CRB1: variants seen among roughly 807,000 people sequenced by gnomAD.
CRB1 encodes protein crumbs homolog 1.
CRB1 carries 83 observed loss-of-function variants against 120.0 expected under a neutral mutation model. The observed-to-expected ratio is 0.69, with a 90% CI of 0.58 to 0.83. The LOEUF (loss-of-function observed/expected upper bound fraction) is 0.83, where lower values mean the gene tolerates loss of function less well. Among genes scored for constraint, CRB1 ranks in the 40% least tolerant of loss-of-function variants. The probability of loss-of-function intolerance (pLI) is 0.00; values close to 1 mark genes in which losing one functional copy is unlikely to be tolerated. For missense variants in CRB1, 1,699 were observed against 1,687.6 expected (o/e 1.01, Z -0.12); for synonymous variants, 625 against 612.5 (o/e 1.02, Z -0.30).
intron 5 of CRB1, 22 bp downstream of exon 5, chr1:197,357,035 A>T: frequency 6.2e-7 from 1 of 1,612,736 alleles, no homozygotes; most frequent in Non-Finnish European, 8.5e-7. Context: ...GAGATGGGAT[A>T]TGACTTGACT....
intron 11 of CRB1, among the ~76,000 whole-genome samples, chr1:197,460,392 C>A (rs1666475999): frequency 6.6e-6 from 1 of 151,996 alleles, no homozygotes; most frequent in Non-Finnish European, 1.5e-5. Context: ...ATTTTCAGAG[C>A]TAAGGAAGCC....
chr1:197,319,666 T>C (rs1658075150), intron 1 of CRB1, among the ~76,000 whole-genome samples: 2 of 152,078 alleles, frequency 1.3e-5, no homozygotes, highest in African/African-American at 4.8e-5. Flanking sequence ...TTTCTCTCTT[T>C]CTTTTTTTTT....
At chr1:197,248,261 A>C in the CRB1 span, among the ~76,000 whole-genome samples, 1 of 152,026 alleles carries the variant, frequency 6.6e-6, no homozygotes, top group Admixed American at 6.6e-5. Flanking sequence ...ATTTGTTGTA[A>C]AGTTAGCTAA....
intron 5 of CRB1, among the ~76,000 whole-genome samples, chr1:197,379,580 G>A (rs952757220): frequency 4.4e-5 from 6 of 137,428 alleles, no homozygotes; most frequent in African/African-American, 1.1e-4. Flanking sequence ...GATTACAGGC[G>A]TGAGCCACCA....
intron 3 of CRB1, among the ~76,000 whole-genome samples, chr1:197,345,621 C>T (rs1189004165): frequency 6.7e-6 from 1 of 149,618 alleles, no homozygotes; most frequent in Non-Finnish European, 1.5e-5. Flanking sequence ...AATTCTCCTG[C>T]CTCAGTCTCC....
At chr1:197,341,286 T>A (rs1321712106) in intron 2 of CRB1, among the ~76,000 whole-genome samples, 1 of 152,180 alleles carries the variant, frequency 6.6e-6, no homozygotes, top group Non-Finnish European at 1.5e-5. Flanking sequence ...CTCATGCCTG[T>A]AATCCCAGCA....
intron 5 of CRB1, among the ~76,000 whole-genome samples, chr1:197,411,502 A>G (rs1257112112): frequency 1.3e-5 from 2 of 152,170 alleles, no homozygotes; most frequent in African/African-American, 2.4e-5. Context: ...CCTCAAGTGA[A>G]AAGAGTTAAC....
chr1:197,265,255 TTTTC>T (rs1654605804), upstream of CRB1, among the ~76,000 whole-genome samples: 2 of 152,244 alleles, frequency 1.3e-5, no homozygotes, highest in East Asian at 1.9e-4. Flanking sequence ...TGAACTACTC[TTTTC>T]TTTATTTCCT....
At chr1:197,208,227 G>C in the CRB1 span, among the ~76,000 whole-genome samples, 1 of 151,986 alleles carries the variant, frequency 6.6e-6, no homozygotes, top group Non-Finnish European at 1.5e-5. Flanking sequence ...TGGCAATTCA[G>C]AGTTTTCTTC....
chr1:197,211,039 G>T, the CRB1 span, among the ~76,000 whole-genome samples: 1 of 152,128 alleles, frequency 6.6e-6, no homozygotes, highest in Non-Finnish European at 1.5e-5. Flanking sequence ...ATGTTTTTCA[G>T]TAGCATCACA....
the CRB1 span, among the ~76,000 whole-genome samples, chr1:197,216,058 A>C: frequency 6.6e-6 from 1 of 152,218 alleles, no homozygotes; most frequent in Non-Finnish European, 1.5e-5. Flanking sequence ...TAAACTTAAC[A>C]GCATGCTCTT....
At position 197,448,195 on chromosome 1, in the gene CRB1, G is replaced by C. The variant is rs183752614; in HGVS notation, c.4005+5903G>C. On this transcript the variant is annotated intron_variant, in intron 11 of 11. Coordinates refer to ENST00000367400, the MANE Select transcript of CRB1 (RefSeq NM_201253.3). Reference sequence around the variant, plus strand: ...TTGGAGTGCTCACCCTCCTATTTTTGTTTCTGGGGAATTTTACTCACAACA... The same window carrying C: ...TTGGAGTGCTCACCCTCCTATTTTTCTTTCTGGGGAATTTTACTCACAACA... 2.9e-3 allele frequency among the ~76,000 whole-genome samples: 442 copies of C among 151,924 alleles called. 1 individual carries two copies. Among genetic ancestry groups the C allele is most frequent in the Non-Finnish European group, 4.4e-3 (298 of 67,926 alleles).
At chr1:197,342,012 A>G (rs1177316182) in intron 2 of CRB1, among the ~76,000 whole-genome samples, 1 of 152,232 alleles carries the variant, frequency 6.6e-6, no homozygotes, top group Non-Finnish European at 1.5e-5. Flanking sequence ...AGGTTTGAGG[A>G]AAAGCAAACA....
At chr1:197,383,483 C>T (rs1438834140) in intron 5 of CRB1, among the ~76,000 whole-genome samples, 1 of 152,166 alleles carries the variant, frequency 6.6e-6, no homozygotes, top group African/African-American at 2.4e-5. Flanking sequence ...ACGATTTCTC[C>T]ACTTTTTCAA....
chr1:197,235,957 A>G, the CRB1 span, among the ~76,000 whole-genome samples: 2 of 152,154 alleles, frequency 1.3e-5, no homozygotes, highest in Non-Finnish European at 2.9e-5. Flanking sequence ...TTTATTTTAC[A>G]TTAGGTGTAA....
intron 7 of CRB1, 192 bp from the exon 8 acceptor site, chr1:197,429,257 C>A: frequency 1.5e-6 from 2 of 1,371,998 alleles, no homozygotes; most frequent in Non-Finnish European, 2.0e-6. Flanking sequence ...CACCACTCTG[C>A]CCTTTTAGAA....
chr1:197,475,529 T>C (rs1317975737), intron 11 of CRB1, among the ~76,000 whole-genome samples: 1 of 151,822 alleles, frequency 6.6e-6, no homozygotes, highest in Non-Finnish European at 1.5e-5. Context: ...TAAGATAAAC[T>C]AACTTCTCTG....
intron 8 of CRB1, 63 bp from the exon 9 acceptor site, chr1:197,434,643 A>T: frequency 1.5e-6 from 2 of 1,373,698 alleles, no homozygotes; most frequent in Non-Finnish European, 2.1e-6. Flanking sequence ...ACTATTAATA[A>T]CGGTAATTAA....
intron 5 of CRB1, among the ~76,000 whole-genome samples, chr1:197,415,114 A>G (rs551415573): frequency 2.0e-5 from 3 of 152,228 alleles, no homozygotes; most frequent in Non-Finnish European, 4.4e-5. Context: ...AAATTTTAGC[A>G]ATCATAAGAA....
Sources: gnomAD v4.1 joint callset for allele counts (sites outside exome capture counted in the v4.1 genomes callset) on GRCh38, gnomAD v4.1.1 for gene constraint, MANE v1.5 for transcripts, NCBI Gene and HGNC (gene_info 2026-07-23, HGNC 2026-07-21) for gene names.